The following PRKCE variants were observed in gnomAD, a reference collection of about 807,000 sequenced individuals.
PRKCE encodes the protein protein kinase C epsilon.
PRKCE carries 16 observed loss-of-function variants against 85.4 expected under a neutral mutation model. The ratio of observed to expected loss-of-function variants is 0.19; its 90% CI spans 0.13 to 0.28. The LOEUF is 0.28. Among genes scored for constraint, PRKCE ranks in the 10% least tolerant of loss-of-function variants. The probability of loss-of-function intolerance (pLI) is 1.00; values close to 1 mark genes in which losing one functional copy is unlikely to be tolerated. For synonymous variants in PRKCE, 388 were observed against 371.5 expected (o/e 1.04, Z -0.51); for missense variants, 573 against 975.2 (o/e 0.59, Z 5.49).
At chr2:46,084,514 G>A (rs1027952655) in intron 10 of PRKCE, among the ~76,000 whole-genome samples, 3 of 152,052 alleles carry the variant, frequency 2.0e-5, no homozygotes, top group Non-Finnish European at 4.4e-5. Context: ...ACGAGGTCAG[G>A]AGATCAAGAC....
chr2:45,830,985 G>T (rs1479561092), intron 1 of PRKCE, among the ~76,000 whole-genome samples: 6 of 152,370 alleles, frequency 3.9e-5, no homozygotes, highest in African/African-American at 1.4e-4. Flanking sequence ...GCACCCAGCA[G>T]AACAGTGAGG....
chr2:45,796,669 G>A (rs942664072), intron 1 of PRKCE, among the ~76,000 whole-genome samples: 1 of 152,144 alleles, frequency 6.6e-6, no homozygotes, highest in Non-Finnish European at 1.5e-5. Context: ...AGTAAATACA[G>A]GTATGTCATT....
At chr2:46,086,409 G>T in intron 11 of PRKCE, 47 bp downstream of exon 11, 1 of 1,581,444 alleles carries the variant, frequency 6.3e-7, no homozygotes, top group Non-Finnish European at 8.6e-7. Flanking sequence ...GAAAATAAAG[G>T]ATGCTTCAGA....
intron 1 of PRKCE, among the ~76,000 whole-genome samples, chr2:45,757,946 G>A (rs1684146515): frequency 1.3e-5 from 2 of 152,224 alleles, no homozygotes; most frequent in African/African-American, 4.8e-5. Context: ...GAAGCTCTGG[G>A]GCAGATGTAG....
intron 2 of PRKCE, among the ~76,000 whole-genome samples, chr2:45,948,921 A>C (rs1448688317): frequency 6.6e-6 from 1 of 152,162 alleles, no homozygotes; most frequent in East Asian, 1.9e-4. Context: ...TTTATCTGTG[A>C]TATAGATCTG....
At chr2:45,984,714 C>T (rs1300062648) in intron 6 of PRKCE, 34 bp downstream of exon 6, 2 of 1,578,816 alleles carry the variant, frequency 1.3e-6, no homozygotes, top group East Asian at 4.5e-5. Flanking sequence ...TCAGCCCCTG[C>T]ATGTCCCCTT....
At chr2:45,759,019 C>T (rs1684228641) in intron 1 of PRKCE, among the ~76,000 whole-genome samples, 1 of 152,170 alleles carries the variant, frequency 6.6e-6, no homozygotes, top group Non-Finnish European at 1.5e-5. Context: ...GCTTCCGGGT[C>T]ATGCCTCCCA....
chr2:45,882,033 G>A (rs963746446), intron 2 of PRKCE, among the ~76,000 whole-genome samples: 3 of 152,206 alleles, frequency 2.0e-5, no homozygotes, highest in Non-Finnish European at 4.4e-5. Context: ...GGGGAAAGGT[G>A]TTTCTGTAGA....
chr2:46,047,460 C>T (rs571393876), intron 10 of PRKCE, among the ~76,000 whole-genome samples: 4 of 152,308 alleles, frequency 2.6e-5, no homozygotes, highest in African/African-American at 7.2e-5. Context: ...GGTGATTGTA[C>T]CCTCTGCCCT....
chr2:45,944,496 T>C (rs948825131), intron 2 of PRKCE, among the ~76,000 whole-genome samples: 10 of 152,086 alleles, frequency 6.6e-5, no homozygotes, highest in African/African-American at 2.4e-4. Flanking sequence ...TTTTTATGTA[T>C]TTAGTTTTTT....
At chr2:46,043,074 G>T (rs920532381) in intron 10 of PRKCE, among the ~76,000 whole-genome samples, 34 of 150,172 alleles carry the variant, frequency 2.3e-4, no homozygotes, top group African/African-American at 8.4e-4. Context: ...ATTTGAAGTG[G>T]GAAAACTTTG....
chr2:45,653,856 T>A (rs1056782474), intron 1 of PRKCE, among the ~76,000 whole-genome samples: 1 of 152,250 alleles, frequency 6.6e-6, no homozygotes, highest in Non-Finnish European at 1.5e-5. Context: ...GAGAACTCCA[T>A]GCCATTCTAT....
chr2:45,946,988 CT>C (rs958017117), intron 2 of PRKCE, among the ~76,000 whole-genome samples: 2 of 152,230 alleles, frequency 1.3e-5, no homozygotes, highest in African/African-American at 2.4e-5. Context: ...AGCTTCTCAT[CT>C]TTCAGCACCC....
At chr2:45,864,732 T>C (rs1175286088) in intron 2 of PRKCE, among the ~76,000 whole-genome samples, 1 of 152,216 alleles carries the variant, frequency 6.6e-6, no homozygotes, top group Non-Finnish European at 1.5e-5. Context: ...TCATGTATAA[T>C]TGTTTGCGTG....
At chr2:46,151,280 T>G in intron 13 of PRKCE, 51 bp downstream of exon 13, 4 of 557,926 alleles carry the variant, frequency 7.2e-6, no homozygotes, top group South Asian at 2.8e-5. Context: ...CTCCTCCCCC[T>G]ACACACACAC....
chr2:45,878,774 A>C (rs1694663783), intron 2 of PRKCE, among the ~76,000 whole-genome samples: 1 of 152,214 alleles, frequency 6.6e-6, no homozygotes, highest in Non-Finnish European at 1.5e-5. Context: ...AAGAACAATC[A>C]ATGAAATATG....
intron 2 of PRKCE, among the ~76,000 whole-genome samples, chr2:45,882,545 G>C (rs1694963095): frequency 6.6e-6 from 1 of 152,198 alleles, no homozygotes; most frequent in Non-Finnish European, 1.5e-5. Context: ...ATGATGTTTG[G>C]AAAATCATCA....
intron 1 of PRKCE, chr2:45,685,624 C>CAA (rs879558388): frequency 1.5e-4 from 21 of 140,790 alleles, no homozygotes; most frequent in Admixed American, 1.1e-3. Context: ...ACCCCAGCTC[C>CAA]AAAAAAAAAA....
chr2:46,135,746 CTTTTTTTTTTT>C lies in PRKCE; in HGVS notation c.1593-9330_1593-9320del, dbSNP rs11417233. ...ACCTTGGGTTCAGAAACAAATTATG[CTTTTTTTTTTT>C]TTTTTTTTTTTTTTTTAATGTAGGG... On this transcript the variant is annotated intron_variant, in intron 11 of 14. Transcript: ENST00000306156. Among the ~76,000 whole-genome samples, 37 of 20,668 alleles carry C rather than the reference CTTTTTTTTTTT, an allele frequency of 1.8e-3. 2 individuals are homozygous for C. The highest frequency in any genetic ancestry group is 4.9e-3 in the African/African-American group (19 of 3,872). The allele number at this position is 20,668 out of a possible 152,430, so 13.6% of individuals were successfully genotyped here.
Sources: allele counts gnomAD v4.1 joint callset (sites outside exome capture counted in the v4.1 genomes callset), GRCh38; gene constraint gnomAD v4.1.1; transcripts MANE v1.5; gene names NCBI Gene and HGNC (gene_info 2026-07-23, HGNC 2026-07-21).